GMDS: variants seen among roughly 807,000 people sequenced by gnomAD.
GMDS encodes the protein GDP-mannose 4,6-dehydratase, also known as GDP-mannose 4,6 dehydratase.
Under a neutral mutation model 49.9 loss-of-function variants are expected in GMDS, and 20 were observed. The observed-to-expected ratio is 0.40, with a 90% CI of 0.28 to 0.58. The LOEUF (loss-of-function observed/expected upper bound fraction) is 0.58. Ranked by LOEUF, GMDS falls within the 20% of genes least tolerant of loss-of-function variation. GMDS has a pLI of 0.42. For missense variants in GMDS, 362 were observed against 481.4 expected (o/e 0.75, Z 2.32); for synonymous variants, 177 against 178.6 (o/e 0.99, Z 0.07).
intron 8 of GMDS, among the ~76,000 whole-genome samples, chr6:1,729,384 T>C (rs867963378): frequency 6.6e-5 from 10 of 152,226 alleles, no homozygotes; most frequent in African/African-American, 2.4e-4. Flanking sequence ...ATCTTGCAAA[T>C]GCTGTCTACA....
intron 9 of GMDS, among the ~76,000 whole-genome samples, chr6:1,677,245 A>C (rs1367441098): frequency 6.6e-6 from 1 of 152,208 alleles, no homozygotes; most frequent in East Asian, 1.9e-4. Context: ...ATCTCACACC[A>C]GTTAGGATGG....
intron 1 of GMDS, among the ~76,000 whole-genome samples, chr6:2,165,674 G>C (rs1777629555): frequency 6.6e-6 from 1 of 152,156 alleles, no homozygotes; most frequent in Non-Finnish European, 1.5e-5. Flanking sequence ...GCATCCTGTG[G>C]AAGACAACTC....
At chr6:2,119,538 A>G (rs1775025791) in intron 2 of GMDS, among the ~76,000 whole-genome samples, 1 of 152,216 alleles carries the variant, frequency 6.6e-6, no homozygotes, top group Non-Finnish European at 1.5e-5. Flanking sequence ...CTTCTGAGAC[A>G]GGTGAAATAC....
intron 6 of GMDS, among the ~76,000 whole-genome samples, chr6:1,934,118 A>T (rs1762415606): frequency 6.6e-6 from 1 of 152,166 alleles, no homozygotes; most frequent in Admixed American, 6.5e-5. Context: ...TCTCAGTATT[A>T]TTTGTTAGAA....
In GMDS at chr6:1,635,376, C is replaced by A. The variant is rs1178060792; in HGVS notation, c.988-10836G>T. On this transcript the variant is annotated intron_variant, in intron 9 of 10. Coordinates refer to ENST00000380815, the MANE Select transcript of GMDS (RefSeq NM_001500.4). The surrounding 1 kb of genome is among the most constrained non-coding windows in gnomAD (Gnocchi z 4.7). Reference sequence around the variant, plus strand: ...GGGTTAAGGCAAGCTGTGTCCACTGCGCAACCAACATGGCCCACTTTCATC... The same window carrying A: ...GGGTTAAGGCAAGCTGTGTCCACTGAGCAACCAACATGGCCCACTTTCATC... Among the ~76,000 whole-genome samples, 5 of 152,192 alleles carry A rather than the reference C, an allele frequency of 3.3e-5. No individual in the cohort carries two copies. Among genetic ancestry groups the A allele is most frequent in the African/African-American group, 1.2e-4 (5 of 41,448 alleles).
chr6:1,755,587 A>C (rs963364781), intron 7 of GMDS, among the ~76,000 whole-genome samples: 1 of 152,210 alleles, frequency 6.6e-6, no homozygotes, highest in South Asian at 2.1e-4. Context: ...AGCAAAAAGA[A>C]CAAAGCTGGA....
intron 1 of GMDS, among the ~76,000 whole-genome samples, chr6:2,139,469 G>A (rs778566423): frequency 1.3e-5 from 2 of 152,150 alleles, no homozygotes; most frequent in South Asian, 2.1e-4. Flanking sequence ...CCTCGGGTAC[G>A]CTAGTCACAC....
rs1231509214 is a variant in GMDS, at chr6:1,859,797, A to G, written c.771+70306T>C. ...ACAGGTGATGTCTGCAGCCCTTACA[A>G]TAGTCACATTTGATCTCTGAATCAG... On this transcript the variant is annotated intron_variant, in intron 7 of 10. Transcript: ENST00000380815. Among the ~76,000 whole-genome samples the G allele has an allele frequency of 2.6e-5, 4 of 152,210 alleles. 1 individual carries two copies. Among genetic ancestry groups the G allele is most frequent in the Admixed American group, 2.0e-4 (3 of 15,278 alleles).
chr6:1,941,194 C>G (rs549393834), intron 6 of GMDS, among the ~76,000 whole-genome samples: 1 of 152,104 alleles, frequency 6.6e-6, no homozygotes, highest in Non-Finnish European at 1.5e-5. Context: ...TCATTTAACA[C>G]TGCAGTGAAT....
At chr6:1,861,575 A>T (rs1263204119) in intron 7 of GMDS, among the ~76,000 whole-genome samples, 2 of 151,844 alleles carry the variant, frequency 1.3e-5, no homozygotes, top group African/African-American at 4.8e-5. Context: ...CGGGGCATGA[A>T]GCAGAAATGT....
At chr6:1,992,926 C>T (rs564372934) in intron 4 of GMDS, among the ~76,000 whole-genome samples, 2 of 152,322 alleles carry the variant, frequency 1.3e-5, no homozygotes, top group South Asian at 4.1e-4. Flanking sequence ...ACCAACACAT[C>T]CCCTGCACTT....
chr6:2,112,644 C>T (rs1336073889), intron 4 of GMDS, among the ~76,000 whole-genome samples: 2 of 152,184 alleles, frequency 1.3e-5, no homozygotes, highest in African/African-American at 4.8e-5. Context: ...ATTCAATTTG[C>T]ATTTCCCTTA....
intron 7 of GMDS, among the ~76,000 whole-genome samples, chr6:1,758,019 A>G (rs1425537489): frequency 2.0e-5 from 3 of 152,246 alleles, no homozygotes; most frequent in Non-Finnish European, 4.4e-5. Context: ...ATCTCCACTC[A>G]GAAGAGGCAC....
intron 6 of GMDS, among the ~76,000 whole-genome samples, chr6:1,950,009 T>C (rs1017323504): frequency 3.3e-5 from 5 of 152,242 alleles, no homozygotes; most frequent in Admixed American, 1.3e-4. Flanking sequence ...TTGATACTTC[T>C]ACAGTGCATG....
intron 1 of GMDS, among the ~76,000 whole-genome samples, chr6:2,198,769 TG>T (rs1475957871): frequency 6.6e-6 from 1 of 152,218 alleles, no homozygotes; most frequent in Non-Finnish European, 1.5e-5. Context: ...CTAAGCATTT[TG>T]AAATGCATGG....
intron 7 of GMDS, among the ~76,000 whole-genome samples, chr6:1,813,223 TAAAAAAAAAAAA>T (rs56705761): frequency 1.2e-5 from 1 of 85,296 alleles, no homozygotes; most frequent in Non-Finnish European, 2.1e-5. Context: ...CTCTGTCTCT[TAAAAAAAAAAAA>T]AAAAAAAAAA....
chr6:1,740,048 T>A (rs573701820), intron 8 of GMDS, among the ~76,000 whole-genome samples: 1 of 152,360 alleles, frequency 6.6e-6, no homozygotes, highest in East Asian at 1.9e-4. Flanking sequence ...AAATGTCATG[T>A]TTGATTCCTA....
intron 7 of GMDS, among the ~76,000 whole-genome samples, chr6:1,895,661 A>T (rs1760126627): frequency 6.6e-6 from 1 of 152,052 alleles, no homozygotes; most frequent in African/African-American, 2.4e-5. Context: ...TTCTATGTAA[A>T]CTCTGGTCAT....
chr6:2,081,190 C>A (rs1354135606), intron 4 of GMDS, among the ~76,000 whole-genome samples: 1 of 152,018 alleles, frequency 6.6e-6, no homozygotes, highest in African/African-American at 2.4e-5. Flanking sequence ...ATGGTAAAAT[C>A]AGCACTTCTG....
Sources: gnomAD v4.1 joint callset for allele counts (sites outside exome capture counted in the v4.1 genomes callset) on GRCh38, gnomAD v4.1.1 for gene constraint, Gnocchi (gnomAD v3.1) non-coding constraint, MANE v1.5 for transcripts, NCBI Gene and HGNC (gene_info 2026-07-23, HGNC 2026-07-21) for gene names.